PSD3: variants seen among roughly 807,000 people sequenced by gnomAD.
The protein encoded by PSD3 is pleckstrin and Sec7 domain containing 3.
A neutral mutation model predicts 105.5 loss-of-function variants in PSD3; 49 were observed. The ratio of observed to expected loss-of-function variants is 0.46; its 90% CI spans 0.37 to 0.59. PSD3 has a LOEUF of 0.59. PSD3 is among the 20% of genes least tolerant of loss of function. The pLI is 0.00. For missense variants in PSD3, 1,561 were observed against 1,263.8 expected (o/e 1.24, Z -3.57); for synonymous variants, 557 against 457.8 (o/e 1.22, Z -2.77).
intron 11 of PSD3, among the ~76,000 whole-genome samples, chr8:18,623,499 G>T (rs1806271249): frequency 6.7e-6 from 1 of 150,186 alleles, no homozygotes; most frequent in Non-Finnish European, 1.5e-5. Context: ...AATTAGCTGG[G>T]CATGGTGGTA....
chr8:18,681,602 A>G (rs1219241394), intron 9 of PSD3, among the ~76,000 whole-genome samples: 1 of 152,162 alleles, frequency 6.6e-6, no homozygotes, highest in Non-Finnish European at 1.5e-5. Flanking sequence ...GTGATGCTTA[A>G]ATCAACATTT....
intron 11 of PSD3, among the ~76,000 whole-genome samples, chr8:18,605,360 A>G (rs1804742974): frequency 8.1e-6 from 1 of 124,032 alleles, no homozygotes; most frequent in Non-Finnish European, 1.7e-5. Flanking sequence ...TCAGACTTCT[A>G]TGGAGCCTGT....
chr8:19,066,214 C>G (rs1829071431), intron 1 of PSD3, among the ~76,000 whole-genome samples: 1 of 152,134 alleles, frequency 6.6e-6, no homozygotes, highest in African/African-American at 2.4e-5. Context: ...CTGGTAGATA[C>G]TAGTTAGAAC....
chr8:18,641,695 G>C (rs1170225346), intron 10 of PSD3, among the ~76,000 whole-genome samples: 1 of 152,144 alleles, frequency 6.6e-6, no homozygotes, highest in Non-Finnish European at 1.5e-5. Flanking sequence ...CCTCAATAAA[G>C]CAGTTTAAAA....
Position 18,722,547 on chromosome 8 carries a change from TC to T in PSD3, c.2172+42901del, listed in dbSNP as rs913326112. Among the ~76,000 whole-genome samples, 24 of 152,212 alleles carry T rather than the reference TC, an allele frequency of 1.6e-4. 1 individual carries two copies. The highest frequency in any genetic ancestry group is 1.5e-5 in the Non-Finnish European group (1 of 68,036). ...TCTTTAAAAAATGGAAAACATTAAT[TC>T]TTTCTCTCCATTTCCTCCCCCTTCA... On this transcript the variant is annotated intron_variant, in intron 9 of 15. Transcript: ENST00000327040.
chr8:19,067,541 G>A (rs547163464), intron 1 of PSD3, among the ~76,000 whole-genome samples: 144 of 152,300 alleles, frequency 9.5e-4, no homozygotes, highest in African/African-American at 3.3e-3. Flanking sequence ...CTTGTGAAAG[G>A]ATGGGAAATC....
intron 2 of PSD3, among the ~76,000 whole-genome samples, chr8:18,909,780 G>T (rs1055064087): frequency 3.3e-5 from 5 of 152,208 alleles, no homozygotes; most frequent in African/African-American, 1.2e-4. Flanking sequence ...CACCATGCCA[G>T]TCCTGTAGTT....
At chr8:19,036,599 A>G (rs1449152971) in intron 1 of PSD3, among the ~76,000 whole-genome samples, 1 of 152,212 alleles carries the variant, frequency 6.6e-6, no homozygotes, top group Non-Finnish European at 1.5e-5. Flanking sequence ...AGTGCTGCAG[A>G]TGGAGTGAAT....
At chr8:18,698,499 T>A (rs1413132361) in intron 9 of PSD3, among the ~76,000 whole-genome samples, 1 of 152,036 alleles carries the variant, frequency 6.6e-6, no homozygotes, top group Admixed American at 6.6e-5. Context: ...AGAAGAGGTT[T>A]GAAGGTGGAG....
chr8:18,609,099 A>G, intron 11 of PSD3, among the ~76,000 whole-genome samples: 1 of 152,194 alleles, frequency 6.6e-6, no homozygotes, highest in East Asian at 1.9e-4. Flanking sequence ...TTCATTTAAC[A>G]TATTAATCTT....
chr8:18,779,438 A>C (rs552261367), intron 8 of PSD3, among the ~76,000 whole-genome samples: 4 of 147,428 alleles, frequency 2.7e-5, no homozygotes, highest in Non-Finnish European at 6.0e-5. Context: ...CCTTTTTTTC[A>C]CCTCTAATTT....
chr8:18,923,194 G>GA (rs35182969), intron 2 of PSD3, among the ~76,000 whole-genome samples: 18,277 of 150,562 alleles, frequency 0.12, 1,213 homozygotes, highest in Middle Eastern at 0.25. Flanking sequence ...GATGAGCTTT[G>GA]AAAAAAAAAC....
chr8:18,730,088 C>T (rs1227765945), intron 9 of PSD3: 1 of 152,128 alleles, frequency 6.6e-6, no homozygotes, highest in Non-Finnish European at 1.5e-5. Context: ...AAGAAATATG[C>T]TCAAGTATTG....
At chr8:19,082,067 A>G (rs1829662210) in intron 1 of PSD3, among the ~76,000 whole-genome samples, 3 of 152,202 alleles carry the variant, frequency 2.0e-5, no homozygotes, top group South Asian at 2.1e-4. Flanking sequence ...TAAAACATGA[A>G]AGGATTGAGT....
intron 1 of PSD3, among the ~76,000 whole-genome samples, chr8:19,068,306 T>G (rs1242163772): frequency 6.6e-6 from 1 of 151,930 alleles, no homozygotes; most frequent in Non-Finnish European, 1.5e-5. Context: ...TTTTTTTCTT[T>G]TTGAGACAGG....
chr8:18,594,264 ATTATT>A (rs1803884479), intron 12 of PSD3, among the ~76,000 whole-genome samples: 1 of 22,664 alleles, frequency 4.4e-5, no homozygotes, highest in Non-Finnish European at 1.0e-4. Flanking sequence ...TATAATATAT[ATTATT>A]ATATATATTA....
intron 1 of PSD3, among the ~76,000 whole-genome samples, chr8:18,953,759 A>T (rs1823391224): frequency 6.6e-6 from 1 of 151,822 alleles, no homozygotes; most frequent in Admixed American, 6.6e-5. Context: ...AAAAGAAAAG[A>T]AAAGAAAAGA....
At chr8:18,596,035 A>G (rs1804070447) in intron 12 of PSD3, among the ~76,000 whole-genome samples, 2 of 152,098 alleles carry the variant, frequency 1.3e-5, no homozygotes, top group African/African-American at 4.8e-5. Flanking sequence ...ATTTAAGAAG[A>G]CTGAAATAAT....
intron 11 of PSD3, among the ~76,000 whole-genome samples, chr8:18,626,085 A>C (rs561341275): frequency 5.3e-4 from 80 of 152,282 alleles, no homozygotes; most frequent in Admixed American, 9.8e-4. Context: ...TGTCAGATTT[A>C]ATAGGTCTTT....
Sources: gnomAD v4.1 joint callset for allele counts (sites outside exome capture counted in the v4.1 genomes callset) on GRCh38, gnomAD v4.1.1 for gene constraint, MANE v1.5 for transcripts, NCBI Gene and HGNC (gene_info 2026-07-23, HGNC 2026-07-21) for gene names.